Variants in KCNB2 observed in about 807,000 individuals in gnomAD.
KCNB2 encodes delayed rectifier potassium channel protein.
In KCNB2, 15 loss-of-function variants were observed where a neutral mutation model predicts 61.5. The observed-to-expected ratio is 0.24, with a 90% CI of 0.16 to 0.38. The LOEUF (loss-of-function observed/expected upper bound fraction) is 0.38, where lower values mean the gene tolerates loss of function less well. Ranked by LOEUF, KCNB2 falls within the 10% of genes least tolerant of loss-of-function variation. The pLI, the probability that KCNB2 is intolerant of heterozygous loss-of-function variation, is 1.00. For synonymous variants in KCNB2, 457 were observed against 446.0 expected (o/e 1.02, Z -0.31); for missense variants, 828 against 1,125.2 (o/e 0.74, Z 3.78).
chr8:72,662,691 A>G (rs982728078), intron 2 of KCNB2, among the ~76,000 whole-genome samples: 1 of 152,150 alleles, frequency 6.6e-6, no homozygotes, highest in Non-Finnish European at 1.5e-5. Context: ...TATGGAGGTC[A>G]CAGAAAACTG....
intron 1 of KCNB2, among the ~76,000 whole-genome samples, chr8:72,546,594 C>T (rs548026852): frequency 2.0e-5 from 3 of 151,646 alleles, no homozygotes; most frequent in South Asian, 2.1e-4. Flanking sequence ...CAATATTTAG[C>T]TAAGATCATT....
chr8:72,625,593 G>A (rs1805776923), intron 2 of KCNB2, among the ~76,000 whole-genome samples: 2 of 152,054 alleles, frequency 1.3e-5, no homozygotes, highest in South Asian at 4.2e-4. Context: ...ACCATGCCCA[G>A]GTTATTTTTG....
chr8:72,845,290 G>A (rs1194248725), intron 2 of KCNB2, among the ~76,000 whole-genome samples: 1 of 152,202 alleles, frequency 6.6e-6, no homozygotes, highest in East Asian at 1.9e-4. Flanking sequence ...AAAGATTGCT[G>A]CCTGTTCCTT....
intron 2 of KCNB2, among the ~76,000 whole-genome samples, chr8:72,659,615 A>G (rs1337230575): frequency 6.6e-6 from 1 of 152,206 alleles, no homozygotes; most frequent in Non-Finnish European, 1.5e-5. Flanking sequence ...TTCATGCCAC[A>G]TTGAAAGTAG....
At chr8:72,902,657 T>C (rs1328893614) in intron 2 of KCNB2, among the ~76,000 whole-genome samples, 1 of 152,152 alleles carries the variant, frequency 6.6e-6, no homozygotes, top group Non-Finnish European at 1.5e-5. Flanking sequence ...AAAATAATCA[T>C]TAAATGAACA....
At chr8:72,930,027 C>T (rs539082365) in intron 2 of KCNB2, among the ~76,000 whole-genome samples, 1 of 147,048 alleles carries the variant, frequency 6.8e-6, no homozygotes, top group Admixed American at 7.0e-5. Context: ...TCAATTCCCA[C>T]CTATGAGTGA....
Position 72,556,949 on chromosome 8 carries a change from G to GGGCCTCTTCCTTAAAGATCAT in KCNB2, c.-93-10691_-93-10671dup, listed in dbSNP as rs1806438757. 5.9e-5 allele frequency among the ~76,000 whole-genome samples: 9 copies of GGGCCTCTTCCTTAAAGATCAT among 152,206 alleles called. No individual in the cohort carries two copies. The South Asian group carries it at 1.9e-3, about 32-fold the overall frequency. ...TGCTGGCAGATTTAGTGTCTGGTGA[G>GGGCCTCTTCCTTAAAGATCAT]GGCCTCTTCCTTAAAGATCATGTCT... On this transcript the variant is annotated intron_variant, in intron 1 of 2. Coordinates refer to ENST00000523207, the MANE Select transcript of KCNB2 (RefSeq NM_004770.3).
intron 2 of KCNB2, among the ~76,000 whole-genome samples, chr8:72,635,328 A>G (rs1272308916): frequency 6.6e-6 from 1 of 152,208 alleles, no homozygotes; most frequent in Non-Finnish European, 1.5e-5. Context: ...TAAGAGTGCT[A>G]CTAAAGCAAT....
intron 2 of KCNB2, among the ~76,000 whole-genome samples, chr8:72,623,342 A>G (rs927317170): frequency 1.3e-5 from 2 of 152,124 alleles, no homozygotes; most frequent in Non-Finnish European, 2.9e-5. Flanking sequence ...CAGAGACTTA[A>G]CTCCAGCTTT....
intron 2 of KCNB2, chr8:72,619,179 A>G (rs1384720122): frequency 2.6e-6 from 1 of 386,882 alleles, no homozygotes; most frequent in Non-Finnish European, 5.1e-6. Context: ...TTTTGTTTGA[A>G]AGATCAGATG....
chr8:72,780,539 TC>T (rs1246709318), intron 2 of KCNB2, among the ~76,000 whole-genome samples: 1 of 152,192 alleles, frequency 6.6e-6, no homozygotes, highest in Non-Finnish European at 1.5e-5. Context: ...TTATTTTTTT[TC>T]CTTCAGTCCA....
chr8:72,592,185 C>G (rs1013534493), intron 2 of KCNB2, among the ~76,000 whole-genome samples: 17 of 152,104 alleles, frequency 1.1e-4, no homozygotes, highest in African/African-American at 3.6e-4. Flanking sequence ...TTCTCTGTTT[C>G]ATGATAAGGA....
intron 2 of KCNB2, among the ~76,000 whole-genome samples, chr8:72,608,424 T>G (rs1423924732): frequency 6.6e-6 from 1 of 152,096 alleles, no homozygotes; most frequent in East Asian, 1.9e-4. Flanking sequence ...AGCCCCTGTT[T>G]GGAAAGTGGA....
intron 2 of KCNB2, among the ~76,000 whole-genome samples, chr8:72,621,165 T>C (rs1019698407): frequency 6.6e-6 from 1 of 152,220 alleles, no homozygotes; most frequent in African/African-American, 2.4e-5. Flanking sequence ...TGCTAACATA[T>C]GTACATTTCA....
chr8:72,589,939 C>A (rs939496584), intron 2 of KCNB2, among the ~76,000 whole-genome samples: 4 of 152,194 alleles, frequency 2.6e-5, no homozygotes, highest in Admixed American at 1.3e-4. Flanking sequence ...TTTACTATAA[C>A]TTATTTTCCT....
chr8:72,732,523 A>G (rs781056284), intron 2 of KCNB2, among the ~76,000 whole-genome samples: 29 of 152,240 alleles, frequency 1.9e-4, no homozygotes, highest in Non-Finnish European at 3.2e-4. Context: ...GAATTGAGAT[A>G]TTAGTTGATA....
At chr8:72,715,203 A>T (rs1807409198) in intron 2 of KCNB2, among the ~76,000 whole-genome samples, 1 of 152,146 alleles carries the variant, frequency 6.6e-6, no homozygotes, top group Non-Finnish European at 1.5e-5. Context: ...CTCCCACACA[A>T]TAATAATGGG....
intron 2 of KCNB2, among the ~76,000 whole-genome samples, chr8:72,578,572 ACT>A (rs1170575927): frequency 6.6e-6 from 1 of 152,134 alleles, no homozygotes; most frequent in Admixed American, 6.5e-5. Context: ...TATTTTTCAG[ACT>A]CTAACTCATG....
At chr8:72,794,538 C>A (rs1412587230) in intron 2 of KCNB2, among the ~76,000 whole-genome samples, 1 of 137,584 alleles carries the variant, frequency 7.3e-6, no homozygotes, top group African/African-American at 2.8e-5. Flanking sequence ...GCACTCCAGC[C>A]TGGGCAACGG....
Sources: gnomAD v4.1 joint callset for allele counts (sites outside exome capture counted in the v4.1 genomes callset) on GRCh38, gnomAD v4.1.1 for gene constraint, MANE v1.5 for transcripts, NCBI Gene and HGNC (gene_info 2026-07-23, HGNC 2026-07-21) for gene names.